The following ATP9B variants were observed in gnomAD, a reference collection of about 807,000 sequenced individuals.
ATP9B encodes the protein probable phospholipid-transporting ATPase IIB.
A neutral mutation model predicts 146.1 loss-of-function variants in ATP9B; 110 were observed. The ratio of observed to expected loss-of-function variants is 0.75; its 90% CI spans 0.65 to 0.88. ATP9B has a LOEUF of 0.88. Among genes scored for constraint, ATP9B ranks in the 40% least tolerant of loss-of-function variants. The pLI, the probability that ATP9B is intolerant of heterozygous loss-of-function variation, is 0.00. For synonymous variants in ATP9B, 604 were observed against 569.7 expected (o/e 1.06, Z -0.86); for missense variants, 1,499 against 1,496.4 (o/e 1.00, Z -0.03).
At chr18:79,376,846 C>T (rs1281002167) in intron 29 of ATP9B, among the ~76,000 whole-genome samples, 2 of 152,014 alleles carry the variant, frequency 1.3e-5, no homozygotes, top group Non-Finnish European at 2.9e-5. Context: ...AGGTGTCCAC[C>T]ACCACGCCCG....
At chr18:79,341,856 C>T (rs1482506839) in intron 19 of ATP9B, among the ~76,000 whole-genome samples, 1 of 152,240 alleles carries the variant, frequency 6.6e-6, no homozygotes, top group Non-Finnish European at 1.5e-5. Flanking sequence ...GCAGCCATCA[C>T]CACCACCCCT....
chr18:79,101,248 C>T (rs1021619147), intron 2 of ATP9B, among the ~76,000 whole-genome samples: 4 of 152,050 alleles, frequency 2.6e-5, no homozygotes, highest in African/African-American at 9.7e-5. Flanking sequence ...CCTTGGAAAC[C>T]ACTCATCAGT....
At chr18:79,292,986 G>A (rs1483935788) in intron 13 of ATP9B, among the ~76,000 whole-genome samples, 2 of 151,902 alleles carry the variant, frequency 1.3e-5, no homozygotes, top group East Asian at 1.9e-4. Context: ...TATGTGGTGC[G>A]GGCATAAGGA....
At chr18:79,334,789 C>G (rs74631512) in intron 17 of ATP9B, among the ~76,000 whole-genome samples, 2,845 of 151,868 alleles carry the variant, frequency 0.019, 92 homozygotes, top group African/African-American at 0.061. Context: ...GCCCACCCCC[C>G]CCTTGTGCCG....
intron 8 of ATP9B, among the ~76,000 whole-genome samples, chr18:79,180,912 C>A (rs1313389030): frequency 6.6e-6 from 1 of 151,868 alleles, no homozygotes; most frequent in South Asian, 2.1e-4. Flanking sequence ...CCTGTCTCAG[C>A]TCCTAGGTAG....
At chr18:79,136,873 CT>C (rs1354367749) in intron 5 of ATP9B, among the ~76,000 whole-genome samples, 1 of 152,172 alleles carries the variant, frequency 6.6e-6, no homozygotes, top group Non-Finnish European at 1.5e-5. Context: ...CAAACACGTC[CT>C]TCTTCACATG....
chr18:79,285,306 T>C (rs1297162859), intron 13 of ATP9B, among the ~76,000 whole-genome samples: 1 of 152,036 alleles, frequency 6.6e-6, no homozygotes, highest in Non-Finnish European at 1.5e-5. Context: ...TTCTAATGAT[T>C]GCCATTCTAA....
intron 13 of ATP9B, among the ~76,000 whole-genome samples, chr18:79,280,751 T>C (rs780835604): frequency 5.3e-5 from 8 of 152,160 alleles, no homozygotes; most frequent in Non-Finnish European, 8.8e-5. Context: ...TGAGTCAAAT[T>C]TCAATAAATT....
intron 7 of ATP9B, among the ~76,000 whole-genome samples, chr18:79,155,428 T>A (rs1179353442): frequency 6.6e-6 from 1 of 152,224 alleles, no homozygotes; most frequent in Non-Finnish European, 1.5e-5. Context: ...TGAGTTTAAA[T>A]CACTTTGGCC....
intron 11 of ATP9B, among the ~76,000 whole-genome samples, chr18:79,247,690 G>A (rs2095981625): frequency 6.6e-6 from 1 of 152,000 alleles, no homozygotes; most frequent in South Asian, 2.1e-4. Flanking sequence ...GTCATATGTT[G>A]GTTTCAAACG....
At chr18:79,241,257 G>A (rs2095885515) in intron 11 of ATP9B, among the ~76,000 whole-genome samples, 1 of 151,958 alleles carries the variant, frequency 6.6e-6, no homozygotes. Context: ...ATGGACAGAT[G>A]GGTTTGTCCC....
intron 11 of ATP9B, among the ~76,000 whole-genome samples, chr18:79,214,755 A>G (rs2095612084): frequency 6.6e-6 from 1 of 152,238 alleles, no homozygotes; most frequent in South Asian, 2.1e-4. Flanking sequence ...AAATCCTCAC[A>G]TGGATTTATG....
At chr18:79,325,694 A>G (rs2096740349) in intron 15 of ATP9B, among the ~76,000 whole-genome samples, 2 of 152,088 alleles carry the variant, frequency 1.3e-5, no homozygotes, top group Non-Finnish European at 2.9e-5. Flanking sequence ...GCAGCCCTGA[A>G]AAGGAGGGAC....
intron 25 of ATP9B, chr18:79,353,918 C>T (rs117906643): frequency 4.6e-5 from 7 of 152,004 alleles, no homozygotes; most frequent in Non-Finnish European, 1.0e-4. Context: ...ACAAGTTTAA[C>T]GTAATAAAGA....
At chr18:79,290,066 C>G (rs1222627537) in intron 13 of ATP9B, among the ~76,000 whole-genome samples, 1 of 152,144 alleles carries the variant, frequency 6.6e-6, no homozygotes, top group Non-Finnish European at 1.5e-5. Context: ...GGTCAGGGGT[C>G]AGGGACCCAC....
At chr18:79,258,351 G>A (rs1335038800) in intron 12 of ATP9B, among the ~76,000 whole-genome samples, 1 of 152,038 alleles carries the variant, frequency 6.6e-6, no homozygotes, top group East Asian at 1.9e-4. Context: ...GATTGCTTTA[G>A]CCCAGGAGGT....
In ATP9B at chr18:79,283,502, C is replaced by T. The variant is rs139011037; in HGVS notation, c.1411+6306C>T. Reference sequence around the variant, plus strand: ...ATCACAGTGGTTCTCTCATTTGCCACGGCAGAATAGAAAATGAAGTATCCC... The same window carrying T: ...ATCACAGTGGTTCTCTCATTTGCCATGGCAGAATAGAAAATGAAGTATCCC... On this transcript the variant is annotated intron_variant, in intron 13 of 29. Transcript: ENST00000426216. Among the ~76,000 whole-genome samples, 90 of 152,276 alleles carry T rather than the reference C, an allele frequency of 5.9e-4. No homozygotes were observed. In the Middle Eastern group the frequency reaches 0.024, roughly 40 times the overall value.
rs578028468 is a variant in ATP9B, at chr18:79,200,562, G to C, written c.955-6375G>C. Among the ~76,000 whole-genome samples the C allele has an allele frequency of 1.3e-3, 196 of 152,106 alleles. 1 individual carries two copies. Among genetic ancestry groups the C allele is most frequent in the African/African-American group, 4.5e-3 (188 of 41,512 alleles). Reference sequence around the variant, plus strand: ...TTAAGGTATGCCAGAAAAAAGCTTAGGAAAAAAAAGGCAACTCATAAAATA... The same window carrying C: ...TTAAGGTATGCCAGAAAAAAGCTTACGAAAAAAAAGGCAACTCATAAAATA... On this transcript the variant is annotated intron_variant, in intron 9 of 29. Coordinates refer to ENST00000426216, the MANE Select transcript of ATP9B (RefSeq NM_198531.5).
At chr18:79,270,302 C>CTG (rs907186854) in intron 12 of ATP9B, among the ~76,000 whole-genome samples, 4 of 150,512 alleles carry the variant, frequency 2.7e-5, no homozygotes, top group Admixed American at 6.6e-5. Context: ...TGTGGCAGCT[C>CTG]TGTGTGTGTG....
Sources: gnomAD v4.1 joint callset for allele counts (sites outside exome capture counted in the v4.1 genomes callset) on GRCh38, gnomAD v4.1.1 for gene constraint, MANE v1.5 for transcripts, NCBI Gene and HGNC (gene_info 2026-07-23, HGNC 2026-07-21) for gene names.